Variants in ERMP1 observed in about 807,000 individuals in gnomAD.
ERMP1 encodes endoplasmic reticulum metallopeptidase 1.
In ERMP1, 86 loss-of-function variants were observed where a neutral mutation model predicts 92.0. The observed-to-expected ratio is 0.93, with a 90% confidence interval of 0.79 to 1.12. The LOEUF (loss-of-function observed/expected upper bound fraction) is 1.12, where lower values mean the gene tolerates loss of function less well. ERMP1 is among the 50% of genes most tolerant of loss of function. ERMP1 has a pLI of 0.00. For missense variants in ERMP1, 1,342 were observed against 1,116.3 expected, an observed-to-expected ratio of 1.20 and a Z score of -2.88; for synonymous variants, 530 against 412.8, an observed-to-expected ratio of 1.28 and a Z score of -3.44.
chr9:5,861,822 A>G (rs2129783673), intron 5 of ERMP1, among the ~76,000 whole-genome samples: 1 of 139,420 alleles, frequency 7.2e-6, no homozygotes, highest in East Asian at 2.1e-4. Flanking sequence ...GGGACTGCTC[A>G]TTCTGTTTCT....
intron 6 of ERMP1, among the ~76,000 whole-genome samples, chr9:5,850,405 CAAAAAA>C (rs59464514): frequency 9.9e-5 from 4 of 40,598 alleles, no homozygotes; most frequent in Admixed American, 4.4e-4. Flanking sequence ...AACTCCGTCT[CAAAAAA>C]AAAAAAAAAA....
intron 8 of ERMP1, among the ~76,000 whole-genome samples, chr9:5,807,465 G>A (rs1172246219): frequency 6.6e-6 from 1 of 152,238 alleles, no homozygotes; most frequent in Admixed American, 6.5e-5. Context: ...CCCCATTCAG[G>A]CCAGGTGCAG....
intron 6 of ERMP1, among the ~76,000 whole-genome samples, chr9:5,854,797 G>A (rs1408351350): frequency 6.6e-6 from 1 of 152,106 alleles, no homozygotes; most frequent in African/African-American, 2.4e-5. Context: ...AAAGTGCTGG[G>A]ATTACAGGTG....
intron 4 of ERMP1, among the ~76,000 whole-genome samples, chr9:5,816,230 T>A (rs1441117563): frequency 2.0e-5 from 3 of 152,188 alleles, no homozygotes; most frequent in Non-Finnish European, 1.5e-5. Context: ...GATTTTTTTT[T>A]AAATGGTTAG....
At chr9:5,839,980 G>A (rs544000156) in intron 6 of ERMP1, among the ~76,000 whole-genome samples, 2 of 152,150 alleles carry the variant, frequency 1.3e-5, no homozygotes, top group Non-Finnish European at 2.9e-5. Context: ...GGTGGCTCAC[G>A]CCTGTAATCT....
intron 6 of ERMP1, among the ~76,000 whole-genome samples, chr9:5,857,316 A>G (rs1830389461): frequency 6.6e-6 from 1 of 152,102 alleles, no homozygotes; most frequent in Admixed American, 6.5e-5. Context: ...GCCACTGTGC[A>G]TGGCCGAAAT....
chr9:5,819,730 C>T (rs984296439), intron 4 of ERMP1, among the ~76,000 whole-genome samples: 3 of 152,098 alleles, frequency 2.0e-5, no homozygotes, highest in Non-Finnish European at 4.4e-5. Flanking sequence ...TTTAGATTAA[C>T]AATCTGAAAT....
chr9:5,833,852 G>A (rs1830044784), upstream of ERMP1, among the ~76,000 whole-genome samples: 1 of 152,110 alleles, frequency 6.6e-6, no homozygotes, highest in African/African-American at 2.4e-5. Context: ...TTCACTTGAC[G>A]ACTCTCTGGG....
chr9:5,813,040 A>C lies in ERMP1; in HGVS notation c.875-5T>G. The C allele has an allele frequency of 6.2e-7, 1 of 1,613,678 alleles. No individual in the cohort carries two copies. ...CCAACCAAGGATTTTCAGGACCTAA[A>C]ATGAAAGATGACAACACAATAGAAG... On this transcript the variant is annotated splice_polypyrimidine_tract_variant and splice_region_variant and intron_variant, in intron 4 of 14. Coordinates refer to ENST00000339450, the MANE Select transcript of ERMP1 (RefSeq NM_024896.3).
At chr9:5,787,870 G>C (rs2131193535) in intron 13 of ERMP1, among the ~76,000 whole-genome samples, 1 of 152,258 alleles carries the variant, frequency 6.6e-6, no homozygotes, top group African/African-American at 2.4e-5. Context: ...TTTAATCTAT[G>C]TCACAATTTC....
At chr9:5,861,202 T>TGG (rs1369235377) in intron 5 of ERMP1, among the ~76,000 whole-genome samples, 1 of 150,490 alleles carries the variant, frequency 6.6e-6, no homozygotes, top group Non-Finnish European at 1.5e-5. Flanking sequence ...TGTGTGTGTG[T>TGG]GTGTGTGTGT....
intron 4 of ERMP1, among the ~76,000 whole-genome samples, chr9:5,813,418 A>G (rs1173342482): frequency 1.3e-5 from 2 of 152,178 alleles, no homozygotes; most frequent in Non-Finnish European, 2.9e-5. Context: ...TTCACTTAAC[A>G]TTATATTAAA....
chr9:5,795,613 A>G (rs1828392039), intron 13 of ERMP1, among the ~76,000 whole-genome samples: 1 of 152,118 alleles, frequency 6.6e-6, no homozygotes, highest in South Asian at 2.1e-4. Context: ...CCCTGTCTCT[A>G]CTAAAATTAC....
intron 6 of ERMP1, among the ~76,000 whole-genome samples, chr9:5,850,553 C>A (rs1476482368): frequency 6.6e-6 from 1 of 151,898 alleles, no homozygotes; most frequent in Non-Finnish European, 1.5e-5. Flanking sequence ...CTCTGAGATA[C>A]CGTGAAGTTC....
chr9:5,819,458 A>G (rs1220899180), intron 4 of ERMP1, among the ~76,000 whole-genome samples: 1 of 152,228 alleles, frequency 6.6e-6, no homozygotes, highest in Non-Finnish European at 1.5e-5. Flanking sequence ...ATATCAAACA[A>G]AAAACTTCAG....
At chr9:5,830,334 G>A (rs539762627) in intron 2 of ERMP1, among the ~76,000 whole-genome samples, 1 of 152,250 alleles carries the variant, frequency 6.6e-6, no homozygotes, top group East Asian at 1.9e-4. Context: ...TGAAGGCAGG[G>A]ACTGTCCTTA....
chr9:5,787,618 C>G (rs564559230), intron 13 of ERMP1, 25 bp from the exon 14 acceptor site: 6 of 1,591,176 alleles, frequency 3.8e-6, no homozygotes. Context: ...GAAGAAAGAA[C>G]AGTTAATCTT....
At chr9:5,822,909 A>T (rs1484680837) in intron 4 of ERMP1, among the ~76,000 whole-genome samples, 1 of 152,224 alleles carries the variant, frequency 6.6e-6, no homozygotes, top group Non-Finnish European at 1.5e-5. Flanking sequence ...TAACTCCCAC[A>T]TGCTTAGCGT....
intron 12 of ERMP1, among the ~76,000 whole-genome samples, chr9:5,798,286 G>A (rs540865539): frequency 6.6e-6 from 1 of 151,958 alleles, no homozygotes; most frequent in Non-Finnish European, 1.5e-5. Flanking sequence ...GCGCGATATC[G>A]GCTCACCGCA....
Sources: allele counts gnomAD v4.1 joint callset (sites outside exome capture counted in the v4.1 genomes callset), GRCh38; gene constraint gnomAD v4.1.1; transcripts MANE v1.5; gene names NCBI Gene and HGNC (gene_info 2026-07-23, HGNC 2026-07-21).